IRAK2: variants seen among roughly 807,000 people sequenced by gnomAD.
The protein encoded by IRAK2 is interleukin-1 receptor-associated kinase-like 2.
A neutral mutation model predicts 72.0 loss-of-function variants in IRAK2; 57 were observed. The ratio of observed to expected loss-of-function variants is 0.79; its 90% CI spans 0.64 to 0.99. The LOEUF (loss-of-function observed/expected upper bound fraction) is 0.99, where lower values mean the gene tolerates loss of function less well. IRAK2 is among the 50% of genes least tolerant of loss of function. The probability of loss-of-function intolerance (pLI) is 0.00; values close to 1 mark genes in which losing one functional copy is unlikely to be tolerated. For synonymous variants in IRAK2, 293 were observed against 312.7 expected (o/e 0.94, Z 0.67); for missense variants, 790 against 794.4 (o/e 0.99, Z 0.07).
intron 2 of IRAK2, among the ~76,000 whole-genome samples, chr3:10,178,911 C>T (rs914785849): frequency 6.6e-6 from 1 of 152,084 alleles, no homozygotes; most frequent in Non-Finnish European, 1.5e-5. Context: ...CAAGTGTCCT[C>T]CTGCCTCAAC....
In IRAK2 at chr3:10,222,792, G is replaced by T. The variant is rs142346598; in HGVS notation, c.1170G>T (p.Gly390=). 1.9e-6 allele frequency: 3 copies of T among 1,614,086 alleles called. No individual in the cohort carries two copies. In the South Asian group the frequency reaches 3.3e-5, roughly 18 times the overall value. Reference sequence around the variant, plus strand: ...TGCCAGAGGATTTCATCCGGGTGGGGCAGCTGACAAAGCGAGTGGACATCT... The same window carrying T: ...TGCCAGAGGATTTCATCCGGGTGGGTCAGCTGACAAAGCGAGTGGACATCT... The part of the protein sequence containing the change: ...AYLPEDFIRV[G]QLTKRVDIFS... Residue 390 remains glycine (G), a synonymous_variant, in exon 9 of 13, where the codon GGG becomes GGT. Transcript: ENST00000256458.
intron 2 of IRAK2, among the ~76,000 whole-genome samples, chr3:10,193,257 C>T: frequency 6.6e-6 from 1 of 152,158 alleles, no homozygotes; most frequent in East Asian, 1.9e-4. Flanking sequence ...GTATCTGGGA[C>T]TCAGCCCTCA....
chr3:10,208,423 T>C (rs1289860525), intron 3 of IRAK2, among the ~76,000 whole-genome samples: 1 of 149,630 alleles, frequency 6.7e-6, no homozygotes, highest in East Asian at 2.0e-4. Context: ...TCCTCCCAAG[T>C]AGAGGGGACC....
At chr3:10,229,576 A>G (rs1406271193) in intron 10 of IRAK2, among the ~76,000 whole-genome samples, 2 of 152,142 alleles carry the variant, frequency 1.3e-5, no homozygotes, top group African/African-American at 4.8e-5. Flanking sequence ...GGTCATATCA[A>G]TGGGCCCATG....
intron 7 of IRAK2, among the ~76,000 whole-genome samples, chr3:10,217,751 AG>A (rs1229118941): frequency 6.6e-6 from 1 of 152,166 alleles, no homozygotes; most frequent in African/African-American, 2.4e-5. Flanking sequence ...CCTCAAATAG[AG>A]GGGAAAGAGT....
At chr3:10,226,566 C>G (rs1338519053) in intron 10 of IRAK2, 133 bp downstream of exon 10, 1 of 661,834 alleles carries the variant, frequency 1.5e-6, no homozygotes, top group Non-Finnish European at 2.7e-6. Context: ...TTTGCATCCC[C>G]ACAAAGCAGC....
At chr3:10,219,003 G>A (rs559629272) in intron 7 of IRAK2, among the ~76,000 whole-genome samples, 2 of 152,310 alleles carry the variant, frequency 1.3e-5, no homozygotes, top group East Asian at 3.9e-4. Flanking sequence ...TTCGAGACCA[G>A]CCTGGCCAAC....
At chr3:10,184,032 C>G (rs1697005169) in intron 2 of IRAK2, among the ~76,000 whole-genome samples, 2 of 152,188 alleles carry the variant, frequency 1.3e-5, no homozygotes, top group Non-Finnish European at 2.9e-5. Context: ...CTTTACTGTT[C>G]TGCCAGTGTG....
intron 1 of IRAK2, among the ~76,000 whole-genome samples, chr3:10,174,897 A>T (rs866522987): frequency 6.6e-6 from 1 of 150,472 alleles, no homozygotes; most frequent in Non-Finnish European, 1.5e-5. Flanking sequence ...ATAAAAATCC[A>T]TTTATGGGCC....
intron 3 of IRAK2, among the ~76,000 whole-genome samples, chr3:10,208,597 A>G (rs919991371): frequency 2.6e-5 from 4 of 151,776 alleles, no homozygotes; most frequent in Admixed American, 2.6e-4. Context: ...CCCCATCTCT[A>G]CTAAAAATAC....
chr3:10,243,329 G>A lies in IRAK2; in HGVS notation c.*1101G>A, dbSNP rs1013969644. ...ATTACAGGCTTGAGCCACCGCACCC[G>A]GCCGAGAATATGTGTTGTTATTTAT... On this transcript the variant is annotated 3_prime_UTR_variant, in exon 13 of 13. Transcript: ENST00000256458. The A allele has an allele frequency of 2.0e-5, 3 of 152,556 alleles. No individual in the cohort carries two copies. Among genetic ancestry groups the A allele is most frequent in the South Asian group, 2.1e-4 (1 of 4,830 alleles). The allele number at this position is 152,556 out of a possible 1,614,324, so 9.5% of individuals were successfully genotyped here.
At chr3:10,231,468 T>C (rs1020877359) in intron 10 of IRAK2, among the ~76,000 whole-genome samples, 1 of 151,990 alleles carries the variant, frequency 6.6e-6, no homozygotes, top group Non-Finnish European at 1.5e-5. Context: ...AATTTTTGTA[T>C]TTTTAATAGA....
chr3:10,189,424 C>A (rs1254092416), intron 2 of IRAK2, among the ~76,000 whole-genome samples: 2 of 152,184 alleles, frequency 1.3e-5, no homozygotes, highest in Admixed American at 1.3e-4. Flanking sequence ...AGGGCTTCCA[C>A]CTGGGAGTAT....
chr3:10,224,710 AC>A (rs1351694197), intron 9 of IRAK2, among the ~76,000 whole-genome samples: 26 of 53,982 alleles, frequency 4.8e-4, no homozygotes, highest in South Asian at 8.5e-4. Context: ...CCATGCACCC[AC>A]CCTCCCACCC....
At chr3:10,180,849 G>A (rs1346961681) in intron 2 of IRAK2, among the ~76,000 whole-genome samples, 1 of 152,176 alleles carries the variant, frequency 6.6e-6, no homozygotes, top group East Asian at 1.9e-4. Context: ...GCATTGTGGG[G>A]CAGACCACAC....
chr3:10,219,927 C>T, intron 8 of IRAK2, 138 bp downstream of exon 8: 1 of 641,380 alleles, frequency 1.6e-6, no homozygotes, highest in Admixed American at 2.6e-5. Context: ...CCTCTGCCCT[C>T]CCCTGGATGT....
intron 1 of IRAK2, 68 bp downstream of exon 1, chr3:10,165,116 GC>G: frequency 1.4e-6 from 2 of 1,393,808 alleles, no homozygotes; most frequent in South Asian, 2.4e-5. Context: ...GCCTGGAGCG[GC>G]CGCCAAGCTC....
At chr3:10,230,676 C>G (rs1697846077) in intron 10 of IRAK2, among the ~76,000 whole-genome samples, 2 of 152,176 alleles carry the variant, frequency 1.3e-5, no homozygotes, top group Admixed American at 1.3e-4. Flanking sequence ...CTCAAGTGAT[C>G]CCCTGCTTTA....
chr3:10,239,088 A>C, intron 12 of IRAK2, 49 bp downstream of exon 12: 3 of 1,458,392 alleles, frequency 2.1e-6, no homozygotes, highest in South Asian at 2.7e-5. Flanking sequence ...TGTGTCCCCA[A>C]CTTCAGCCCA....
Sources: gnomAD v4.1 joint callset for allele counts (sites outside exome capture counted in the v4.1 genomes callset) on GRCh38, gnomAD v4.1.1 for gene constraint, MANE v1.5 for transcripts, NCBI Gene and HGNC (gene_info 2026-07-23, HGNC 2026-07-21) for gene names.